The following IP6K3 variants were observed in gnomAD, a reference collection of about 807,000 sequenced individuals.
IP6K3 encodes the protein inositol hexakisphosphate kinase 3.
IP6K3 carries 20 observed loss-of-function variants against 28.8 expected under a neutral mutation model. That is an observed-to-expected ratio of 0.70 (90% CI 0.49 to 1.01). IP6K3 has a LOEUF of 1.01. Among genes scored for constraint, IP6K3 ranks in the 50% least tolerant of loss-of-function variants. The pLI, the probability that IP6K3 is intolerant of heterozygous loss-of-function variation, is 0.00. For synonymous variants in IP6K3, 213 were observed against 221.3 expected (o/e 0.96, Z 0.33); for missense variants, 480 against 537.1 (o/e 0.89, Z 1.05).
Position 33,737,538 on chromosome 6 carries a change from T to C in IP6K3, c.-179-1883A>G, listed in dbSNP as rs1254208613. ...TCATGCACAGCAGTGCCCATCAATT[T>C]GTTCAGGCCTCTGGCTCAGAGAGGC... On this transcript the variant is annotated intron_variant, in intron 1 of 5. Coordinates refer to ENST00000293756, the MANE Select transcript of IP6K3 (RefSeq NM_054111.5). 3.9e-5 allele frequency among the ~76,000 whole-genome samples: 6 copies of C among 152,314 alleles called. No individual in the cohort carries two copies. The East Asian group carries it at 9.6e-4, about 24-fold the overall frequency.
the IP6K3 span, among the ~76,000 whole-genome samples, chr6:33,761,229 G>C: frequency 6.6e-6 from 1 of 151,962 alleles, no homozygotes; most frequent in Non-Finnish European, 1.5e-5. Flanking sequence ...GGTGGGAGTC[G>C]AGGTGGGGGA....
Position 33,725,522 on chromosome 6 carries a change from C to T in IP6K3, c.684G>A (p.Ser228=), listed in dbSNP as rs201536495. The T allele has an allele frequency of 1.1e-5, 18 of 1,614,144 alleles. No homozygotes were observed. Among genetic ancestry groups the T allele is most frequent in the East Asian group, 6.7e-5 (3 of 44,880 alleles). The change falls in exon 5 of 6, where the codon TCG becomes TCA. Residue 228 remains serine, a synonymous_variant. Coordinates refer to ENST00000293756, the MANE Select transcript of IP6K3 (RefSeq NM_054111.5). ...MGTRQHGDDA[S]EEKKARHMRK... is the part of the protein sequence containing the mutation. The stretch of plus-strand genomic sequence containing the variant: ...TCATGTGGCGGGCCTTCTTCTCCTC[C>T]GATGCATCATCGCCGTGCTGCCGGG...
intron 2 of IP6K3, 136 bp from the exon 3 acceptor site, chr6:33,728,436 A>T: frequency 1.3e-6 from 1 of 779,034 alleles, no homozygotes; most frequent in Non-Finnish European, 2.1e-6. Context: ...TCCTCTCTCA[A>T]GGAAGAGCTA....
chr6:33,756,472 C>CTG, the IP6K3 span, among the ~76,000 whole-genome samples: 1,276 of 150,184 alleles, frequency 8.5e-3, 22 homozygotes, highest in African/African-American at 0.027. Flanking sequence ...TCAGAGGGGT[C>CTG]TGTGTGTGTG....
rs890932904 is a variant in IP6K3, at chr6:33,722,994, C to T, written c.959G>A (p.Arg320His). ...LSVIRSQSSY[R>H]FYSSSLLVIY... ...GACAAGGAGAGAGCTGGAATAGAAG[C>T]GGTATGAACTCTGGCTCCTAATGAC... Residue 320 changes from arginine (R) to histidine (H), a missense_variant, in exon 6 of 6, where the codon CGC becomes CAC. Coordinates refer to ENST00000293756, the MANE Select transcript of IP6K3 (RefSeq NM_054111.5). 1.9e-5 allele frequency: 30 copies of T among 1,613,948 alleles called. No homozygotes were observed. The highest frequency in any genetic ancestry group is 3.3e-5 in the Admixed American group (2 of 59,974).
chr6:33,749,041 C>T (rs571915122), upstream of IP6K3, among the ~76,000 whole-genome samples: 3 of 152,234 alleles, frequency 2.0e-5, no homozygotes, highest in Non-Finnish European at 2.9e-5. Flanking sequence ...CCCAGCCCTG[C>T]GCCACCTCTC....
At chr6:33,743,673 G>A (rs1385785362) in intron 1 of IP6K3, among the ~76,000 whole-genome samples, 8 of 152,172 alleles carry the variant, frequency 5.3e-5, no homozygotes, top group Non-Finnish European at 1.5e-5. Flanking sequence ...CTCCGGCTCG[G>A]TGGGATCAAT....
At chr6:33,750,410 A>C (rs1267199360), upstream of IP6K3, among the ~76,000 whole-genome samples, 1 of 152,090 alleles carries the variant, frequency 6.6e-6, no homozygotes, top group Non-Finnish European at 1.5e-5. This position sits in a 1 kb window ranked among gnomAD's most constrained non-coding sequence, Gnocchi z 4.3. Flanking sequence ...ACACCTGGTT[A>C]ACTCCTCTTC....
chr6:33,751,483 C>CGTGTGTGTGTGTGTGT (rs762389623), upstream of IP6K3, among the ~76,000 whole-genome samples: 586 of 61,560 alleles, frequency 9.5e-3, 1 homozygote, highest in African/African-American at 0.018. This position sits in a 1 kb window ranked among gnomAD's most constrained non-coding sequence, Gnocchi z 4.3. Context: ...CTCTGCAGGC[C>CGTGTGTGTGTGTGTGT]GTGTGTGTGT....
At chr6:33,725,329 T>C (rs1041472149) in intron 5 of IP6K3, 112 bp downstream of exon 5, 43 of 1,118,004 alleles carry the variant, frequency 3.8e-5, no homozygotes, top group Non-Finnish European at 4.7e-5. Context: ...CTGTGGCTCC[T>C]CCAGAGTGAA....
At position 33,722,804 on chromosome 6, in the gene IP6K3, G is replaced by C; in HGVS notation, c.1149C>G (p.Thr383=). ...TTYKGYWNEH[T]TYDGPDPGYI... ...AGCCAGGGTCTGGTCCATCGTAGGT[G>C]GTGTGCTCATTCCAGTAGCCCTTGT... The change falls in exon 6 of 6, where the codon ACC becomes ACG. Residue 383 remains threonine, a synonymous_variant. Transcript: ENST00000293756. 1.2e-6 allele frequency: 2 copies of C among 1,614,168 alleles called. No individual in the cohort carries two copies. Among genetic ancestry groups the C allele is most frequent in the South Asian group, 2.2e-5 (2 of 91,074 alleles).
chr6:33,730,002 G>A (rs1457048891), intron 2 of IP6K3, among the ~76,000 whole-genome samples: 1 of 152,162 alleles, frequency 6.6e-6, no homozygotes, highest in Non-Finnish European at 1.5e-5. Context: ...GTGAGCCACC[G>A]TGCCCTGCCA....
chr6:33,741,994 G>A (rs1471522554), intron 1 of IP6K3, among the ~76,000 whole-genome samples: 1 of 149,550 alleles, frequency 6.7e-6, no homozygotes, highest in African/African-American at 2.5e-5. Context: ...AAAAAACAAA[G>A]CAACTTCACT....
At chr6:33,751,024 C>T (rs1219695393), upstream of IP6K3, among the ~76,000 whole-genome samples, 3 of 152,210 alleles carry the variant, frequency 2.0e-5, no homozygotes, top group African/African-American at 7.2e-5. This position sits in a 1 kb window ranked among gnomAD's most constrained non-coding sequence, Gnocchi z 4.3. Context: ...TGCACCCCAG[C>T]TTGGCATAGC....
the IP6K3 span, among the ~76,000 whole-genome samples, chr6:33,756,704 G>T: frequency 6.6e-6 from 1 of 152,174 alleles, no homozygotes; most frequent in Non-Finnish European, 1.5e-5. Context: ...GAGGTGACAG[G>T]GGTGCAGACA....
At chr6:33,736,040 A>G (rs765714857) in intron 1 of IP6K3, among the ~76,000 whole-genome samples, 2 of 151,856 alleles carry the variant, frequency 1.3e-5, no homozygotes, top group Non-Finnish European at 2.9e-5. Context: ...CTAATTTTAT[A>G]TTTTTTGTAG....
chr6:33,741,136 G>T (rs942777990), intron 1 of IP6K3, among the ~76,000 whole-genome samples: 3 of 152,330 alleles, frequency 2.0e-5, no homozygotes, highest in Middle Eastern at 3.4e-3. Flanking sequence ...CCTGGCCATG[G>T]TGATCTTGGA....
At chr6:33,729,278 A>C in intron 2 of IP6K3, among the ~76,000 whole-genome samples, 1 of 152,326 alleles carries the variant, frequency 6.6e-6, no homozygotes, top group African/African-American at 2.4e-5. Context: ...GAGTCTTGGT[A>C]GTAGCACAGG....
intron 2 of IP6K3, among the ~76,000 whole-genome samples, chr6:33,732,260 G>T (rs1281457144): frequency 6.6e-6 from 1 of 152,178 alleles, no homozygotes; most frequent in Non-Finnish European, 1.5e-5. Flanking sequence ...CTCTGGAGTG[G>T]CATCCCTGCC....
Sources: gnomAD v4.1 joint callset for allele counts (sites outside exome capture counted in the v4.1 genomes callset) on GRCh38, gnomAD v4.1.1 for gene constraint, Gnocchi (gnomAD v3.1) non-coding constraint, MANE v1.5 for transcripts, NCBI Gene and HGNC (gene_info 2026-07-23, HGNC 2026-07-21) for gene names.